C5: variants seen among roughly 807,000 people sequenced by gnomAD.
C5 encodes the protein C3 and PZP-like alpha-2-macroglobulin domain-containing protein 4.
In C5, 140 loss-of-function variants were observed where a neutral mutation model predicts 218.8. The ratio of observed to expected loss-of-function variants is 0.64; its 90% CI spans 0.56 to 0.74. C5 has a LOEUF of 0.74. Among genes scored for constraint, C5 ranks in the 30% least tolerant of loss-of-function variants. The pLI is 0.00. For synonymous variants in C5, 614 were observed against 682.3 expected, an observed-to-expected ratio of 0.90 and a Z score of 1.56; for missense variants, 1,700 against 1,969.6, an observed-to-expected ratio of 0.86 and a Z score of 2.59.
At chr9:121,045,252 T>C (rs1244959412) in intron 2 of C5, among the ~76,000 whole-genome samples, 1 of 152,172 alleles carries the variant, frequency 6.6e-6, no homozygotes, top group Non-Finnish European at 1.5e-5. Context: ...TTTCTTAAAC[T>C]TGAGTAATAT....
At chr9:121,005,355 A>T (rs2047207616) in intron 20 of C5, among the ~76,000 whole-genome samples, 1 of 152,200 alleles carries the variant, frequency 6.6e-6, no homozygotes, top group South Asian at 2.1e-4. Context: ...TAAAGTAAAA[A>T]GAGCAGGGAA....
At chr9:121,006,288 A>G (rs1034171384) in intron 19 of C5, among the ~76,000 whole-genome samples, 2 of 152,222 alleles carry the variant, frequency 1.3e-5, no homozygotes, top group Non-Finnish European at 2.9e-5. Flanking sequence ...AGTTAATTCT[A>G]TTTAAGGCAT....
chr9:121,054,331 G>A (rs1157450745), upstream of C5, among the ~76,000 whole-genome samples: 1 of 152,148 alleles, frequency 6.6e-6, no homozygotes, highest in Non-Finnish European at 1.5e-5. Context: ...CGGGCGTGGT[G>A]GCTCACTCCT....
chr9:120,991,039 G>T (rs1427056976), intron 23 of C5, 152 bp downstream of exon 23: 2 of 623,150 alleles, frequency 3.2e-6, no homozygotes, highest in Non-Finnish European at 5.8e-6. Flanking sequence ...AGGTTTGAAA[G>T]TGGGGGTGGG....
chr9:121,054,995 C>G (rs1264780316), upstream of C5, among the ~76,000 whole-genome samples: 5 of 152,104 alleles, frequency 3.3e-5, no homozygotes, highest in East Asian at 9.6e-4. Flanking sequence ...TCAAGCATTA[C>G]TTACTATTGA....
At chr9:121,065,827 T>C in the C5 span, among the ~76,000 whole-genome samples, 1 of 151,684 alleles carries the variant, frequency 6.6e-6, no homozygotes, top group Non-Finnish European at 1.5e-5. Context: ...TAATTTTTAA[T>C]AAAAGGGTAA....
intron 3 of C5, among the ~76,000 whole-genome samples, chr9:121,042,433 T>C (rs2047589393): frequency 6.6e-6 from 1 of 152,232 alleles, no homozygotes; most frequent in South Asian, 2.1e-4. Flanking sequence ...TGTGATCTAG[T>C]TTATCCTCTG....
chr9:121,049,995 T>C (rs1264428924), intron 1 of C5, among the ~76,000 whole-genome samples, 187 bp downstream of exon 1: 2 of 152,244 alleles, frequency 1.3e-5, no homozygotes, highest in African/African-American at 4.8e-5. Context: ...CCATAAAAGC[T>C]GTCATGTTGT....
chr9:121,012,166 C>T (rs2131749867), intron 17 of C5, among the ~76,000 whole-genome samples: 1 of 151,910 alleles, frequency 6.6e-6, no homozygotes, highest in South Asian at 2.1e-4. Flanking sequence ...ATAGATACCC[C>T]ATTTTCCATG....
In C5 at chr9:120,962,447, A is replaced by G. The variant is rs1291238608; in HGVS notation, c.4504+224T>C. On this transcript the variant is annotated intron_variant, in intron 36 of 40. Coordinates refer to ENST00000223642, the MANE Select transcript of C5 (RefSeq NM_001735.3). ...CTATAATCCAGTTATTTTAAATATG[A>G]AGAAACTGAGGACTGAGGTGAAACG... 2.0e-5 allele frequency among the ~76,000 whole-genome samples: 3 copies of G among 152,206 alleles called. No homozygotes were observed. In the East Asian group the frequency reaches 5.8e-4, roughly 29 times the overall value.
chr9:121,074,029 G>A, the C5 span, among the ~76,000 whole-genome samples: 2 of 152,144 alleles, frequency 1.3e-5, no homozygotes, highest in African/African-American at 2.4e-5. Context: ...AAGACGCAAG[G>A]AAGTTTAGAA....
At chr9:120,968,925 A>C in intron 33 of C5, 136 bp downstream of exon 33, 1 of 754,428 alleles carries the variant, frequency 1.3e-6, no homozygotes, top group Non-Finnish European at 2.4e-6. Flanking sequence ...AAGAATATAT[A>C]TGTTCTGCAT....
chr9:121,070,384 GATATATATATATATATATATATATATAT>G, the C5 span, among the ~76,000 whole-genome samples: 18 of 72,888 alleles, frequency 2.5e-4, 1 homozygote, highest in African/African-American at 6.4e-4. Context: ...AAGGAAGGGT[GATATATATATATATATATATATATATAT>G]ATATATATAT....
intron 20 of C5, among the ~76,000 whole-genome samples, chr9:121,002,286 A>ATGTGTG (rs2047175201): frequency 3.5e-5 from 4 of 115,918 alleles, no homozygotes; most frequent in East Asian, 5.4e-4. Context: ...ATATACGTAT[A>ATGTGTG]TATGTATATA....
chr9:121,057,128 C>T, the C5 span, among the ~76,000 whole-genome samples: 1 of 152,012 alleles, frequency 6.6e-6, no homozygotes, highest in Admixed American at 6.5e-5. Flanking sequence ...ATATCCAGCA[C>T]AATTATTTTT....
chr9:120,979,747 G>A (rs2046978102), intron 28 of C5: 1 of 304,950 alleles, frequency 3.3e-6, no homozygotes, highest in Non-Finnish European at 6.3e-6. Context: ...AAGTAACTGG[G>A]TTCAGTGGTG....
At chr9:120,975,330 T>G (rs934639010) in intron 29 of C5, among the ~76,000 whole-genome samples, 2 of 152,230 alleles carry the variant, frequency 1.3e-5, no homozygotes, top group African/African-American at 4.8e-5. Flanking sequence ...GTTCCCTTTT[T>G]GCCCTTTCTA....
chr9:121,008,110 G>A (rs1357914514), intron 18 of C5, among the ~76,000 whole-genome samples: 1 of 152,178 alleles, frequency 6.6e-6, no homozygotes, highest in Admixed American at 6.5e-5. Flanking sequence ...GATAAAAATA[G>A]TGGCTTAATA....
chr9:120,989,448 T>G, intron 24 of C5, 120 bp downstream of exon 24: 2 of 721,824 alleles, frequency 2.8e-6, no homozygotes, highest in South Asian at 3.6e-5. Flanking sequence ...GTCCATCTCA[T>G]GATTTTTTTG....
Sources: allele counts gnomAD v4.1 joint callset (sites outside exome capture counted in the v4.1 genomes callset), GRCh38; gene constraint gnomAD v4.1.1; transcripts MANE v1.5; gene names NCBI Gene and HGNC (gene_info 2026-07-23, HGNC 2026-07-21).